NDST4: variants seen among roughly 807,000 people sequenced by gnomAD.
NDST4 encodes N-heparan sulfate sulfotransferase 4.
In NDST4, 63 loss-of-function variants were observed where a neutral mutation model predicts 100.8. That is an observed-to-expected ratio of 0.62 (90% CI 0.51 to 0.77). The LOEUF is 0.77. Ranked by LOEUF, NDST4 falls within the 30% of genes least tolerant of loss-of-function variation. The pLI is 0.00. For synonymous variants in NDST4, 377 were observed against 361.8 expected (o/e 1.04, Z -0.48); for missense variants, 943 against 1,018.4 (o/e 0.93, Z 1.01).
At chr4:114,944,436 A>G (rs1020670373) in intron 4 of NDST4, among the ~76,000 whole-genome samples, 1 of 152,140 alleles carries the variant, frequency 6.6e-6, no homozygotes. Context: ...TTGGGATTTC[A>G]CAGCTCACCA....
chr4:115,057,701 C>G (rs769537312), intron 2 of NDST4, among the ~76,000 whole-genome samples: 2 of 112,882 alleles, frequency 1.8e-5, no homozygotes, highest in Admixed American at 8.7e-5. Context: ...TGCGTGCGCA[C>G]GCACACACAC....
intron 1 of NDST4, among the ~76,000 whole-genome samples, chr4:115,106,797 G>C (rs1260401272): frequency 1.3e-5 from 2 of 152,030 alleles, no homozygotes; most frequent in Non-Finnish European, 2.9e-5. Context: ...TGGAATATTG[G>C]TTCTTACCGC....
chr4:114,953,032 C>CTTTTTTTTTTT (rs546149508), intron 4 of NDST4, among the ~76,000 whole-genome samples: 1 of 123,376 alleles, frequency 8.1e-6, no homozygotes, highest in Non-Finnish European at 1.7e-5. Flanking sequence ...TTTTTTTTTT[C>CTTTTTTTTTTT]TTTTTTTTTT....
chr4:114,969,174 C>G (rs1283602954), intron 4 of NDST4, among the ~76,000 whole-genome samples: 1 of 151,688 alleles, frequency 6.6e-6, no homozygotes, highest in Admixed American at 6.6e-5. Flanking sequence ...ATTAGCCGGG[C>G]GTAGTGGCGG....
intron 7 of NDST4, among the ~76,000 whole-genome samples, chr4:114,870,385 C>T (rs1266899216): frequency 6.6e-6 from 1 of 152,080 alleles, no homozygotes; most frequent in African/African-American, 2.4e-5. Context: ...AATTATAAAT[C>T]TTAGATTCCA....
intron 1 of NDST4, among the ~76,000 whole-genome samples, chr4:115,107,100 G>A (rs1729848250): frequency 6.6e-6 from 1 of 152,094 alleles, no homozygotes; most frequent in Admixed American, 6.6e-5. Context: ...TGAGGTTGTA[G>A]TATGCTATGA....
chr4:114,884,128 GATA>G (rs1358985987), intron 6 of NDST4, among the ~76,000 whole-genome samples: 4 of 152,084 alleles, frequency 2.6e-5, no homozygotes, highest in African/African-American at 9.7e-5. Context: ...AGATTATTAT[GATA>G]ATGAATACAT....
At chr4:115,056,275 C>A (rs114991571) in intron 2 of NDST4, among the ~76,000 whole-genome samples, 1,600 of 152,050 alleles carry the variant, frequency 0.011, 26 homozygotes, top group African/African-American at 0.037. Flanking sequence ...TCAACCTGAG[C>A]CTGGGAGGCC....
chr4:114,953,430 C>G (rs570393368), intron 4 of NDST4, among the ~76,000 whole-genome samples: 5 of 152,096 alleles, frequency 3.3e-5, no homozygotes, highest in South Asian at 4.2e-4. Context: ...AAACTTGGAC[C>G]AGGAGACTGA....
At chr4:115,023,627 A>C (rs1727911458) in intron 2 of NDST4, among the ~76,000 whole-genome samples, 1 of 152,138 alleles carries the variant, frequency 6.6e-6, no homozygotes, top group Non-Finnish European at 1.5e-5. Context: ...ATTTTTAATT[A>C]AAAGAGAAGC....
intron 6 of NDST4, among the ~76,000 whole-genome samples, chr4:114,908,663 A>G (rs1282651808): frequency 2.0e-5 from 3 of 152,198 alleles, no homozygotes; most frequent in Non-Finnish European, 2.9e-5. Flanking sequence ...TAAAAGGTTA[A>G]ATTTTCCTCG....
intron 4 of NDST4, among the ~76,000 whole-genome samples, chr4:114,954,971 A>C (rs1050695029): frequency 2.6e-5 from 4 of 152,140 alleles, no homozygotes; most frequent in African/African-American, 9.7e-5. Flanking sequence ...CAAGGTTAGA[A>C]GCTTCCTGGG....
chr4:114,891,542 A>T (rs1268287764), intron 6 of NDST4, among the ~76,000 whole-genome samples: 5 of 151,880 alleles, frequency 3.3e-5, no homozygotes, highest in Admixed American at 2.0e-4. Flanking sequence ...ATTCTACCCT[A>T]CCATTTTTCT....
At chr4:114,873,713 T>C (rs1724198402) in intron 6 of NDST4, among the ~76,000 whole-genome samples, 2 of 152,050 alleles carry the variant, frequency 1.3e-5, no homozygotes, top group African/African-American at 4.8e-5. Flanking sequence ...TAATATGCAT[T>C]CGATCCCAAT....
intron 6 of NDST4, among the ~76,000 whole-genome samples, chr4:114,929,565 T>A (rs942238660): frequency 1.3e-5 from 2 of 152,182 alleles, no homozygotes; most frequent in African/African-American, 4.8e-5. Context: ...AAGTATAGTT[T>A]GTGACTGGAT....
chr4:114,908,842 T>C (rs572989112), intron 6 of NDST4, among the ~76,000 whole-genome samples: 1 of 152,192 alleles, frequency 6.6e-6, no homozygotes, highest in Non-Finnish European at 1.5e-5. Flanking sequence ...AGAATTTTGA[T>C]TTAACATTTT....
At chr4:114,881,050 T>C (rs1309111538) in intron 6 of NDST4, among the ~76,000 whole-genome samples, 2 of 152,122 alleles carry the variant, frequency 1.3e-5, no homozygotes, top group Admixed American at 1.3e-4. Context: ...GACCAGCTCA[T>C]ATAAATCTTT....
intron 1 of NDST4, among the ~76,000 whole-genome samples, chr4:115,108,281 T>A (rs1729872889): frequency 6.6e-6 from 1 of 152,068 alleles, no homozygotes. Flanking sequence ...TATGTAGGCA[T>A]GAAAGACTAT....
chr4:114,917,867 C>G (rs1404933378), intron 6 of NDST4, among the ~76,000 whole-genome samples: 1 of 152,044 alleles, frequency 6.6e-6, no homozygotes, highest in African/African-American at 2.4e-5. Flanking sequence ...TGATGGGAGG[C>G]TCAAGTGAGT....
Sources: gnomAD v4.1 joint callset for allele counts (sites outside exome capture counted in the v4.1 genomes callset) on GRCh38, gnomAD v4.1.1 for gene constraint, MANE v1.5 for transcripts, NCBI Gene and HGNC (gene_info 2026-07-23, HGNC 2026-07-21) for gene names.